The following SYN2 variants were observed in gnomAD, a reference collection of about 807,000 sequenced individuals.
SYN2 encodes the protein synapsin-2.
A neutral mutation model predicts 50.9 loss-of-function variants in SYN2; 19 were observed. The observed-to-expected ratio is 0.37, with a 90% CI of 0.26 to 0.55. The LOEUF (loss-of-function observed/expected upper bound fraction) is 0.55. Ranked by LOEUF, SYN2 falls within the 20% of genes least tolerant of loss-of-function variation. SYN2 has a pLI of 0.81. For missense variants in SYN2, 587 were observed against 576.4 expected, an observed-to-expected ratio of 1.02 and a Z score of -0.19; for synonymous variants, 255 against 224.9, an observed-to-expected ratio of 1.13 and a Z score of -1.20.
intron 7 of SYN2, among the ~76,000 whole-genome samples, chr3:12,164,546 C>T (rs1272610822): frequency 6.6e-6 from 1 of 151,452 alleles, no homozygotes; most frequent in Non-Finnish European, 1.5e-5. Flanking sequence ...GGATTCTTTT[C>T]GTCTACCCCA....
intron 2 of SYN2, among the ~76,000 whole-genome samples, chr3:12,141,047 G>C (rs1300070773): frequency 6.6e-6 from 1 of 152,092 alleles, no homozygotes. Flanking sequence ...CCTCCGTATT[G>C]TTGGTGGCAA....
intron 1 of SYN2, among the ~76,000 whole-genome samples, chr3:12,121,872 C>A (rs1277456543): frequency 6.6e-6 from 1 of 152,146 alleles, no homozygotes; most frequent in Non-Finnish European, 1.5e-5. Flanking sequence ...TGGGCAAGAG[C>A]TGATACTGCA....
At chr3:12,101,537 T>G (rs1382321312) in intron 1 of SYN2, among the ~76,000 whole-genome samples, 1 of 152,162 alleles carries the variant, frequency 6.6e-6, no homozygotes. Context: ...TTGGGATGAT[T>G]AAAATTTCTA....
intron 1 of SYN2, among the ~76,000 whole-genome samples, chr3:12,053,985 T>G (rs1694929738): frequency 6.6e-6 from 1 of 152,152 alleles, no homozygotes. Flanking sequence ...AATCCTTTAC[T>G]GGGAGGTGCA....
chr3:12,050,711 C>CTTTTTTTTTTTTTTTTTTTTTTTTT lies in SYN2; in HGVS notation c.377+45794_377+45818dup, dbSNP rs57099569. 7.9e-5 allele frequency among the ~76,000 whole-genome samples: 4 copies of CTTTTTTTTTTTTTTTTTTTTTTTTT among 50,528 alleles called. 2 individuals carry two copies. The highest frequency in any genetic ancestry group is 1.9e-4 in the Non-Finnish European group (4 of 21,568). 33.1% of individuals were successfully genotyped at this position (50,528 alleles called of 152,430 possible). A position where few individuals can be genotyped will look rare whatever the true frequency, so the allele number is the denominator to read the frequency against. On this transcript the variant is annotated intron_variant, in intron 1 of 12. Transcript: ENST00000621198. ...AATAATCTCATCTTTCTTCTCTTCT[C>CTTTTTTTTTTTTTTTTTTTTTTTTT]TTTTTTTTTTTTTTTTTTTTTTTTT...
At chr3:12,167,107 C>A in intron 7 of SYN2, 127 bp from the exon 8 acceptor site, 1 of 915,000 alleles carries the variant, frequency 1.1e-6, no homozygotes, top group Non-Finnish European at 1.7e-6. Flanking sequence ...GCAGACAGAC[C>A]CCTGGGCTAC....
At chr3:12,101,543 T>C (rs1696076201) in intron 1 of SYN2, among the ~76,000 whole-genome samples, 1 of 152,190 alleles carries the variant, frequency 6.6e-6, no homozygotes, top group African/African-American at 2.4e-5. Context: ...TGATTAAAAT[T>C]TCTAGAATTA....
chr3:12,154,455 C>T, intron 5 of SYN2: 1 of 1,613,966 alleles, frequency 6.2e-7, no homozygotes, highest in Non-Finnish European at 8.5e-7. Flanking sequence ...ACCTGACCTT[C>T]AAGGGGAGAT....
At chr3:12,038,468 G>A (rs1267156071) in intron 1 of SYN2, among the ~76,000 whole-genome samples, 1 of 152,086 alleles carries the variant, frequency 6.6e-6, no homozygotes, top group East Asian at 1.9e-4. Flanking sequence ...AAAAAAGGCA[G>A]CTGAAATTTT....
intron 1 of SYN2, among the ~76,000 whole-genome samples, chr3:12,103,516 C>T (rs1441100649): frequency 6.6e-6 from 1 of 152,132 alleles, no homozygotes; most frequent in African/African-American, 2.4e-5. Flanking sequence ...CATTGTATTA[C>T]TTGAGACTTA....
intron 1 of SYN2, among the ~76,000 whole-genome samples, chr3:12,116,414 G>A (rs1363132071): frequency 1.3e-5 from 2 of 152,278 alleles, no homozygotes. Context: ...CCTGAAACAA[G>A]AGTAACCATG....
chr3:12,064,950 A>T (rs758387100), intron 1 of SYN2, among the ~76,000 whole-genome samples: 4 of 152,180 alleles, frequency 2.6e-5, no homozygotes, highest in Non-Finnish European at 4.4e-5. Flanking sequence ...CATATAGCCA[A>T]AAAGTGAAAA....
chr3:12,162,486 A>G (rs565698920), intron 7 of SYN2, among the ~76,000 whole-genome samples: 2 of 152,202 alleles, frequency 1.3e-5, no homozygotes, highest in African/African-American at 4.8e-5. Context: ...ACATATCTCT[A>G]TGGATTATTC....
intron 1 of SYN2, among the ~76,000 whole-genome samples, chr3:12,038,979 T>C (rs999240976): frequency 1.3e-5 from 2 of 152,186 alleles, no homozygotes; most frequent in African/African-American, 4.8e-5. Context: ...GATATCCTTG[T>C]TTTATTCCTC....
intron 3 of SYN2, among the ~76,000 whole-genome samples, chr3:12,144,767 T>C (rs1387143420): frequency 6.6e-6 from 1 of 152,184 alleles, no homozygotes; most frequent in Admixed American, 6.5e-5. Flanking sequence ...GCACCTGTAA[T>C]CCCAGCACTT....
At position 12,085,275 on chromosome 3, in the gene SYN2, CAAAG is replaced by C. The variant is rs549313159; in HGVS notation, c.378-55373_378-55370del. On this transcript the variant is annotated intron_variant, in intron 1 of 12. Coordinates refer to ENST00000621198, the MANE Select transcript of SYN2 (RefSeq NM_133625.6). ...TTAATTCAAAAACTGTAAAAAAAGACAAAGAAGGTCATTATGTAAAGAGGTCAAC... is the reference window on the plus strand; with the variant it reads ...TTAATTCAAAAACTGTAAAAAAAGACAAGGTCATTATGTAAAGAGGTCAAC... 1.8e-3 allele frequency among the ~76,000 whole-genome samples: 278 copies of C among 151,562 alleles called. 3 individuals are homozygous for C. The highest frequency in any genetic ancestry group is 7.9e-4 in the Admixed American group (12 of 15,218).
At chr3:12,169,964 T>C in intron 10 of SYN2, 58 bp downstream of exon 10, 1 of 1,527,100 alleles carries the variant, frequency 6.5e-7, no homozygotes, top group Non-Finnish European at 8.8e-7. Context: ...CCCACTCCTC[T>C]AGATGTTGAT....
At chr3:12,125,151 A>G (rs1459043219) in intron 1 of SYN2, among the ~76,000 whole-genome samples, 1 of 152,022 alleles carries the variant, frequency 6.6e-6, no homozygotes, top group African/African-American at 2.4e-5. Context: ...AGTAGCTGGG[A>G]TTACAGGCGT....
intron 1 of SYN2, among the ~76,000 whole-genome samples, chr3:12,042,935 G>T (rs945661548): frequency 6.6e-6 from 1 of 152,102 alleles, no homozygotes; most frequent in Non-Finnish European, 1.5e-5. Flanking sequence ...AGGGAACATA[G>T]CCCGGCCAAC....
Sources: allele counts gnomAD v4.1 joint callset (sites outside exome capture counted in the v4.1 genomes callset), GRCh38; gene constraint gnomAD v4.1.1; transcripts MANE v1.5; gene names NCBI Gene and HGNC (gene_info 2026-07-23, HGNC 2026-07-21).